AASS: variants seen among roughly 807,000 people sequenced by gnomAD.
AASS encodes the protein aminoadipate-semialdehyde synthase.
AASS carries 86 observed loss-of-function variants against 105.4 expected under a neutral mutation model. The observed-to-expected ratio is 0.82, with a 90% CI of 0.69 to 0.98. The LOEUF (loss-of-function observed/expected upper bound fraction) is 0.98. AASS is among the 50% of genes least tolerant of loss of function. The pLI, the probability that AASS is intolerant of heterozygous loss-of-function variation, is 0.00. For missense variants in AASS, 1,048 were observed against 1,143.2 expected, an observed-to-expected ratio of 0.92 and a Z score of 1.20; for synonymous variants, 381 against 394.8, an observed-to-expected ratio of 0.96 and a Z score of 0.41.
chr7:122,085,420 G>A (rs568886134), intron 19 of AASS, among the ~76,000 whole-genome samples: 1 of 151,854 alleles, frequency 6.6e-6, no homozygotes, highest in African/African-American at 2.4e-5. Context: ...CCCATTTTGT[G>A]GTTTAAAAAC....
At chr7:122,129,651 T>A (rs576515256) in intron 2 of AASS, 114 bp from the exon 3 acceptor site, 1 of 955,834 alleles carries the variant, frequency 1.0e-6, no homozygotes, top group African/African-American at 1.6e-5. Flanking sequence ...AAAATCTGTA[T>A]GAATTAGAAC....
intron 11 of AASS, 120 bp downstream of exon 11, chr7:122,112,998 G>C: frequency 2.5e-6 from 2 of 804,538 alleles, no homozygotes; most frequent in Non-Finnish European, 4.2e-6. Context: ...TTTCAGGGAA[G>C]GGCTGGCATT....
intron 17 of AASS, 120 bp downstream of exon 17, chr7:122,092,722 CT>C: frequency 1.2e-6 from 1 of 835,762 alleles, no homozygotes; most frequent in Non-Finnish European, 1.9e-6. Context: ...AAAACTCAGT[CT>C]CAAAAAAAAA....
chr7:122,113,974 C>T (rs540443460), intron 9 of AASS, among the ~76,000 whole-genome samples: 39 of 145,882 alleles, frequency 2.7e-4, no homozygotes, highest in African/African-American at 5.0e-4. Context: ...AGGAAACAAA[C>T]GCAGAAAATT....
chr7:122,095,982 C>A (rs569944848), intron 15 of AASS, among the ~76,000 whole-genome samples: 106 of 152,136 alleles, frequency 7.0e-4, no homozygotes, highest in African/African-American at 2.4e-3. Flanking sequence ...AATGATAGGA[C>A]TTTGCCTGTG....
At chr7:122,097,181 T>C (rs1794198987) in intron 15 of AASS, among the ~76,000 whole-genome samples, 1 of 151,616 alleles carries the variant, frequency 6.6e-6, no homozygotes, top group Non-Finnish European at 1.5e-5. Context: ...AAGCCTGCTT[T>C]TTTTTTTTTA....
chr7:122,130,923 G>T (rs1262888824), intron 2 of AASS, among the ~76,000 whole-genome samples: 2 of 151,236 alleles, frequency 1.3e-5, no homozygotes, highest in Middle Eastern at 3.2e-3. Context: ...AAGATATGTT[G>T]TTACTAAAGA....
chr7:122,115,080 G>A lies in AASS; in HGVS notation c.1037C>T (p.Pro346Leu). The change falls in exon 9 of 24, where the codon CCA becomes CTA. Residue 346 changes from proline to leucine, a missense_variant. Pro to Leu is a moderately conservative substitution (Grantham distance 98, BLOSUM62 -3). Transcript: ENST00000417368. Reference protein sequence around the residue: ...PAGVEGCPALPHKLVAICDIS... With the variant: ...PAGVEGCPALLHKLVAICDIS... ...GCTGAAGTAGAGTCCTTACTTGTGT[G>A]GTAATGCAGGGCAGCCTTCCACACC... 6.2e-7 allele frequency: 1 copy of A among 1,614,110 alleles called. No individual in the cohort carries two copies. The highest frequency in any genetic ancestry group is 8.5e-7 in the Non-Finnish European group (1 of 1,179,996).
chr7:122,123,984 C>T (rs946024430), intron 4 of AASS, among the ~76,000 whole-genome samples: 3 of 152,174 alleles, frequency 2.0e-5, no homozygotes, highest in African/African-American at 4.8e-5. Context: ...CTCCCTCACC[C>T]CCTCACTCCT....
intron 1 of AASS, among the ~76,000 whole-genome samples, chr7:122,143,922 G>A (rs184082009): frequency 1.4e-4 from 21 of 152,284 alleles, no homozygotes; most frequent in African/African-American, 5.1e-4. Context: ...CTTCCTCGCA[G>A]TGAAACTCTC....
intron 9 of AASS, 53 bp from the exon 10 acceptor site, chr7:122,113,773 C>T: frequency 1.9e-6 from 3 of 1,595,694 alleles, no homozygotes; most frequent in Middle Eastern, 1.7e-4. Context: ...AAGTCTCCAA[C>T]AAGACTAAAA....
chr7:122,094,471 G>T (rs1794050765), intron 15 of AASS, among the ~76,000 whole-genome samples: 2 of 151,740 alleles, frequency 1.3e-5, no homozygotes, highest in Admixed American at 6.6e-5. Flanking sequence ...CAAGTACAAT[G>T]ATGTAGTATG....
rs1794795971 is a variant in AASS at position 122,108,868 on chromosome 7, T to G, written c.1278+4250A>C. Among the ~76,000 whole-genome samples the G allele has an allele frequency of 2.6e-5, 4 of 152,124 alleles. 1 individual carries two copies. The highest frequency in any genetic ancestry group is 2.6e-4 in the Admixed American group (4 of 15,266). The stretch of plus-strand genomic sequence containing the variant: ...CCAAATTGGAAAGCAGGAAGTCAAA[T>G]TGTCCTTGTTTGAAGATGACGAAAT... On this transcript the variant is annotated intron_variant, in intron 11 of 23. Coordinates refer to ENST00000417368, the MANE Select transcript of AASS (RefSeq NM_005763.4).
intron 4 of AASS, among the ~76,000 whole-genome samples, chr7:122,124,200 C>T (rs552912218): frequency 6.6e-6 from 1 of 152,262 alleles, no homozygotes; most frequent in South Asian, 2.1e-4. Flanking sequence ...TTCTTCAGAC[C>T]TCACCTTCAA....
At chr7:122,134,035 C>T (rs756978107) in intron 1 of AASS, among the ~76,000 whole-genome samples, 36 of 152,122 alleles carry the variant, frequency 2.4e-4, no homozygotes, top group East Asian at 9.6e-4. Context: ...AACATCTATT[C>T]GGCACAAAAG....
chr7:122,083,115 G>T (rs1479678741), intron 19 of AASS, among the ~76,000 whole-genome samples: 2 of 152,080 alleles, frequency 1.3e-5, no homozygotes, highest in Non-Finnish European at 2.9e-5. Context: ...ATATAAAATA[G>T]TTCCTGTAAC....
At chr7:122,105,036 A>G (rs1241528952) in intron 11 of AASS, among the ~76,000 whole-genome samples, 2 of 152,120 alleles carry the variant, frequency 1.3e-5, no homozygotes, top group East Asian at 3.9e-4. Flanking sequence ...AAAGGGGATG[A>G]AAGAAGATAT....
chr7:122,087,619 C>T (rs915689794), intron 18 of AASS, among the ~76,000 whole-genome samples: 5 of 152,078 alleles, frequency 3.3e-5, no homozygotes, highest in African/African-American at 4.8e-5. Context: ...CTACTTCACT[C>T]GGGAGGCTGA....
At chr7:122,092,728 A>G in intron 17 of AASS, 115 bp downstream of exon 17, 2 of 977,638 alleles carry the variant, frequency 2.0e-6, no homozygotes, top group Non-Finnish European at 3.2e-6. Flanking sequence ...CAGTCTCAAA[A>G]AAAAAAAATC....
Sources: gnomAD v4.1 joint callset for allele counts (sites outside exome capture counted in the v4.1 genomes callset) on GRCh38, gnomAD v4.1.1 for gene constraint, MANE v1.5 for transcripts, NCBI Gene and HGNC (gene_info 2026-07-23, HGNC 2026-07-21) for gene names.